Variants in NLGN1 observed in about 807,000 individuals in gnomAD.
The protein encoded by NLGN1 is neuroligin 1.
In NLGN1, 12 loss-of-function variants were observed where a neutral mutation model predicts 65.5. The observed-to-expected ratio is 0.18, with a 90% CI of 0.12 to 0.30. The LOEUF is 0.30. Ranked by LOEUF, NLGN1 falls within the 10% of genes least tolerant of loss-of-function variation. The pLI, the probability that NLGN1 is intolerant of heterozygous loss-of-function variation, is 1.00. For synonymous variants in NLGN1, 350 were observed against 359.5 expected (o/e 0.97, Z 0.30); for missense variants, 750 against 1,007.1 (o/e 0.74, Z 3.46).
intron 1 of NLGN1, among the ~76,000 whole-genome samples, chr3:173,414,437 AG>A (rs1168684143): frequency 6.6e-6 from 1 of 152,166 alleles, no homozygotes; most frequent in African/African-American, 2.4e-5. Context: ...GACTTAAGTA[AG>A]GGGTCAGTGT....
intron 3 of NLGN1, among the ~76,000 whole-genome samples, chr3:173,766,176 C>T (rs543382838): frequency 6.6e-6 from 1 of 151,620 alleles, no homozygotes; most frequent in East Asian, 1.9e-4. Flanking sequence ...GCAACCTCTG[C>T]CTCCCAGGTT....
intron 2 of NLGN1, among the ~76,000 whole-genome samples, chr3:173,592,144 A>G (rs1748604832): frequency 6.6e-6 from 1 of 152,186 alleles, no homozygotes; most frequent in Non-Finnish European, 1.5e-5. Flanking sequence ...TTCATTTGGA[A>G]GTCAGGCTTC....
intron 4 of NLGN1, among the ~76,000 whole-genome samples, chr3:174,140,181 G>T (rs981477965): frequency 6.6e-6 from 1 of 151,882 alleles, no homozygotes; most frequent in Non-Finnish European, 1.5e-5. Flanking sequence ...TTATTATAAG[G>T]CTTTAAACAT....
intron 4 of NLGN1, among the ~76,000 whole-genome samples, chr3:173,965,967 C>T (rs1280407736): frequency 6.6e-6 from 1 of 151,892 alleles, no homozygotes; most frequent in African/African-American, 2.4e-5. Flanking sequence ...CAGGTGTTAG[C>T]AGTACAAATA....
At chr3:173,640,665 A>G (rs1016537433) in intron 3 of NLGN1, among the ~76,000 whole-genome samples, 6 of 152,210 alleles carry the variant, frequency 3.9e-5, no homozygotes, top group African/African-American at 1.4e-4. Context: ...TGAATTTTCC[A>G]TCCAGGAGTT....
At chr3:173,774,950 C>T (rs1780086883) in intron 3 of NLGN1, among the ~76,000 whole-genome samples, 1 of 152,052 alleles carries the variant, frequency 6.6e-6, no homozygotes, top group Non-Finnish European at 1.5e-5. Flanking sequence ...GCAGTGTCTA[C>T]TAGTTTTGAA....
intron 4 of NLGN1, among the ~76,000 whole-genome samples, chr3:174,008,823 A>AT (rs75098962): frequency 0.18 from 5,318 of 29,160 alleles, 221 homozygotes; most frequent in African/African-American, 0.28. Flanking sequence ...TTGGAAAGAG[A>AT]TTAAAAAAAA....
chr3:173,414,749 G>A (rs933376607), intron 1 of NLGN1, among the ~76,000 whole-genome samples: 2 of 152,154 alleles, frequency 1.3e-5, no homozygotes, highest in Non-Finnish European at 2.9e-5. Flanking sequence ...GATTTAAGGA[G>A]CAACATCTCA....
At chr3:173,881,330 CT>C (rs1417930375) in intron 4 of NLGN1, among the ~76,000 whole-genome samples, 1 of 151,476 alleles carries the variant, frequency 6.6e-6, no homozygotes, top group Non-Finnish European at 1.5e-5. Flanking sequence ...ATCTCCTGAC[CT>C]TGTGATCCAC....
At chr3:173,883,999 A>G (rs937652682) in intron 4 of NLGN1, among the ~76,000 whole-genome samples, 6 of 151,502 alleles carry the variant, frequency 4.0e-5, no homozygotes, top group African/African-American at 1.5e-4. Flanking sequence ...TCCCCTTTGA[A>G]TACGTATTTA....
chr3:174,278,763 T>G (rs1751049245), intron 5 of NLGN1, 98 bp from the exon 6 acceptor site: 1 of 969,188 alleles, frequency 1.0e-6, no homozygotes, highest in Non-Finnish European at 1.4e-6. Context: ...TTGAGCTGTA[T>G]CTGGGTTTTT....
intron 3 of NLGN1, among the ~76,000 whole-genome samples, chr3:173,726,961 A>C: frequency 6.6e-6 from 1 of 151,932 alleles, no homozygotes. Flanking sequence ...AAAGAAGAAG[A>C]AGAAGAAGAA....
intron 2 of NLGN1, among the ~76,000 whole-genome samples, chr3:173,490,054 T>C (rs943502407): frequency 6.6e-6 from 1 of 152,210 alleles, no homozygotes; most frequent in South Asian, 2.1e-4. Flanking sequence ...ACTCTGATGG[T>C]AGTTTCTTTT....
chr3:173,928,134 A>G (rs535879974), intron 4 of NLGN1, among the ~76,000 whole-genome samples: 11 of 152,352 alleles, frequency 7.2e-5, no homozygotes, highest in African/African-American at 1.2e-4. Context: ...TTCTGATTTT[A>G]CAACCTAAGT....
chr3:174,023,587 C>T (rs752837210), intron 4 of NLGN1, among the ~76,000 whole-genome samples: 1 of 152,130 alleles, frequency 6.6e-6, no homozygotes, highest in African/African-American at 2.4e-5. Context: ...CTGTTAAATT[C>T]TCTGCCCTCT....
At chr3:174,145,711 T>C (rs566809088) in intron 4 of NLGN1, among the ~76,000 whole-genome samples, 32 of 152,246 alleles carry the variant, frequency 2.1e-4, no homozygotes, top group Non-Finnish European at 4.4e-4. Flanking sequence ...GCTCTGAAAG[T>C]CTAGGACATG....
chr3:173,954,443 C>T (rs868526253), intron 4 of NLGN1, among the ~76,000 whole-genome samples: 7 of 152,074 alleles, frequency 4.6e-5, no homozygotes, highest in African/African-American at 1.7e-4. Context: ...GGGAAACCTG[C>T]ATTTGAAATT....
intron 4 of NLGN1, among the ~76,000 whole-genome samples, chr3:174,104,233 ATAT>A (rs1713210309): frequency 6.6e-6 from 1 of 152,092 alleles, no homozygotes; most frequent in Admixed American, 6.6e-5. Context: ...AGTTTCAAAA[ATAT>A]TATAGTAATA....
intron 3 of NLGN1, among the ~76,000 whole-genome samples, chr3:173,708,097 T>C (rs953160119): frequency 9.2e-5 from 14 of 152,336 alleles, no homozygotes; most frequent in Non-Finnish European, 1.6e-4. Flanking sequence ...CATCACAGTT[T>C]TGCATTGAGG....
Sources: allele counts gnomAD v4.1 joint callset (sites outside exome capture counted in the v4.1 genomes callset), GRCh38; gene constraint gnomAD v4.1.1; transcripts MANE v1.5; gene names NCBI Gene and HGNC (gene_info 2026-07-23, HGNC 2026-07-21).